Variants in KCND2 observed in about 807,000 individuals in gnomAD.
The protein encoded by KCND2 is potassium voltage-gated channel subfamily D member 2, also known as A-type voltage-gated potassium channel KCND2.
KCND2 carries 16 observed loss-of-function variants against 54.4 expected under a neutral mutation model. The ratio of observed to expected loss-of-function variants is 0.29; its 90% CI spans 0.20 to 0.45. KCND2 has a LOEUF of 0.45. Among genes scored for constraint, KCND2 ranks in the 20% least tolerant of loss-of-function variants. KCND2 has a pLI of 1.00. For synonymous variants in KCND2, 317 were observed against 310.7 expected, an observed-to-expected ratio of 1.02 and a Z score of -0.21; for missense variants, 486 against 824.2, an observed-to-expected ratio of 0.59 and a Z score of 5.02.
At chr7:120,585,686 G>A (rs1792589179) in intron 1 of KCND2, among the ~76,000 whole-genome samples, 2 of 152,114 alleles carry the variant, frequency 1.3e-5, no homozygotes, top group Non-Finnish European at 2.9e-5. Flanking sequence ...ATTCCAGGAA[G>A]CAGGGAAGGG....
At chr7:120,676,130 G>T (rs539554937) in intron 1 of KCND2, among the ~76,000 whole-genome samples, 1 of 152,188 alleles carries the variant, frequency 6.6e-6, no homozygotes, top group Non-Finnish European at 1.5e-5. Flanking sequence ...GAGCCACCGT[G>T]CCCAACCTCT....
intron 1 of KCND2, among the ~76,000 whole-genome samples, chr7:120,443,908 C>T (rs1801982104): frequency 6.6e-6 from 1 of 152,058 alleles, no homozygotes; most frequent in Admixed American, 6.6e-5. Context: ...ACCAAAAATG[C>T]TCCCATCAAC....
At chr7:120,403,785 A>AT (rs1563035011) in intron 1 of KCND2, among the ~76,000 whole-genome samples, 1 of 152,114 alleles carries the variant, frequency 6.6e-6, no homozygotes, top group East Asian at 1.9e-4. Flanking sequence ...TCAGAGTGAC[A>AT]TTTTAAAATG....
chr7:120,332,524 A>C (rs2116349779), intron 1 of KCND2, among the ~76,000 whole-genome samples: 1 of 152,240 alleles, frequency 6.6e-6, no homozygotes, highest in African/African-American at 2.4e-5. Context: ...ATTTTCATTT[A>C]ATCAAGCAGT....
intron 1 of KCND2, among the ~76,000 whole-genome samples, chr7:120,354,373 G>A (rs1800465621): frequency 6.6e-6 from 1 of 152,116 alleles, no homozygotes; most frequent in Admixed American, 6.6e-5. Context: ...ATGACTGGGA[G>A]GACCAATATT....
chr7:120,593,501 G>A lies in KCND2; in HGVS notation c.1116-139402G>A, dbSNP rs977128700. On this transcript the variant is annotated intron_variant, in intron 1 of 5. Transcript: ENST00000331113. Reference sequence around the variant, plus strand: ...CCCACTGTTATTAAGACCAAGCCAAGCAGTTGACTATGATAGGAATGCCAC... The same window carrying A: ...CCCACTGTTATTAAGACCAAGCCAAACAGTTGACTATGATAGGAATGCCAC... 5.3e-5 allele frequency among the ~76,000 whole-genome samples: 8 copies of A among 152,018 alleles called. 1 individual carries two copies. The highest frequency in any genetic ancestry group is 3.9e-4 in the Admixed American group (6 of 15,250).
At chr7:120,586,535 T>C in intron 1 of KCND2, among the ~76,000 whole-genome samples, 1 of 152,162 alleles carries the variant, frequency 6.6e-6, no homozygotes, top group East Asian at 1.9e-4. Flanking sequence ...CAGGCACAAA[T>C]GAAGGATTTT....
At chr7:120,675,778 TA>T (rs1380120778) in intron 1 of KCND2, among the ~76,000 whole-genome samples, 1 of 152,116 alleles carries the variant, frequency 6.6e-6, no homozygotes, top group Non-Finnish European at 1.5e-5. Flanking sequence ...ATCATAGTAT[TA>T]TAATGAGTGA....
intron 1 of KCND2, among the ~76,000 whole-genome samples, chr7:120,331,393 C>A (rs1800066950): frequency 6.6e-6 from 1 of 151,606 alleles, no homozygotes; most frequent in Non-Finnish European, 1.5e-5. Flanking sequence ...AAAACAAATT[C>A]TTTTTAATTT....
chr7:120,392,269 T>C (rs568881680), intron 1 of KCND2, among the ~76,000 whole-genome samples: 28 of 152,136 alleles, frequency 1.8e-4, no homozygotes, highest in African/African-American at 6.7e-4. Flanking sequence ...GTCCCATTGG[T>C]CTATGTATCT....
chr7:120,590,691 C>T (rs1383922378), intron 1 of KCND2, among the ~76,000 whole-genome samples: 1 of 152,164 alleles, frequency 6.6e-6, no homozygotes, highest in African/African-American at 2.4e-5. Flanking sequence ...GTGAGGCATT[C>T]TGAGTATTCT....
intron 1 of KCND2, among the ~76,000 whole-genome samples, chr7:120,577,720 G>A (rs1165477682): frequency 1.3e-5 from 2 of 152,078 alleles, no homozygotes; most frequent in East Asian, 1.9e-4. Flanking sequence ...CACGTAACTG[G>A]GACTATAGGT....
chr7:120,309,452 C>CATATATATATAT (rs61690032), intron 1 of KCND2, among the ~76,000 whole-genome samples: 7,225 of 66,894 alleles, frequency 0.11, 424 homozygotes, highest in South Asian at 0.18. Flanking sequence ...TAATAGAAAA[C>CATATATATATAT]ATATATATAT....
chr7:120,658,500 C>A (rs1791829347), intron 1 of KCND2, among the ~76,000 whole-genome samples: 1 of 152,104 alleles, frequency 6.6e-6, no homozygotes, highest in Admixed American at 6.6e-5. Flanking sequence ...TTTTAAAGAA[C>A]CAAACTTGTT....
At chr7:120,389,948 TATAAACTTATGTTCACC>T (rs1563030362) in intron 1 of KCND2, among the ~76,000 whole-genome samples, 3 of 151,924 alleles carry the variant, frequency 2.0e-5, no homozygotes, top group Non-Finnish European at 2.9e-5. Flanking sequence ...GTTTGGACAC[TATAAACTTATGTTCACC>T]ATAAACTTAT....
At chr7:120,319,117 A>G (rs1290277320) in intron 1 of KCND2, among the ~76,000 whole-genome samples, 5 of 151,916 alleles carry the variant, frequency 3.3e-5, no homozygotes, top group African/African-American at 4.8e-5. Context: ...TTAATTTTAT[A>G]TTTTCTAAGC....
intron 1 of KCND2, among the ~76,000 whole-genome samples, chr7:120,316,782 A>AT (rs1399659385): frequency 3.9e-5 from 6 of 151,954 alleles, no homozygotes; most frequent in African/African-American, 1.2e-4. Context: ...GTTGTACTGA[A>AT]TTATTGTACT....
intron 1 of KCND2, among the ~76,000 whole-genome samples, chr7:120,613,760 T>G: frequency 6.6e-6 from 1 of 152,150 alleles, no homozygotes; most frequent in Non-Finnish European, 1.5e-5. Context: ...CCTACAGTCC[T>G]TTCTGTATTT....
At chr7:120,523,507 A>G (rs1244600392) in intron 1 of KCND2, among the ~76,000 whole-genome samples, 2 of 150,230 alleles carry the variant, frequency 1.3e-5, no homozygotes, top group African/African-American at 4.9e-5. Context: ...TTTTTATATC[A>G]CAAGTTTAAC....
Sources: gnomAD v4.1 joint callset for allele counts (sites outside exome capture counted in the v4.1 genomes callset) on GRCh38, gnomAD v4.1.1 for gene constraint, MANE v1.5 for transcripts, NCBI Gene and HGNC (gene_info 2026-07-23, HGNC 2026-07-21) for gene names.